Variants in RNF125 observed in about 807,000 individuals in gnomAD.
The protein encoded by RNF125 is E3 ubiquitin-protein ligase RNF125.
Under a neutral mutation model 26.0 loss-of-function variants are expected in RNF125, and 21 were observed. The ratio of observed to expected loss-of-function variants is 0.81; its 90% CI spans 0.57 to 1.16. The LOEUF is 1.16. Ranked by LOEUF, RNF125 falls within the 50% of genes most tolerant of loss-of-function variation. RNF125 has a pLI of 0.00. For synonymous variants in RNF125, 95 were observed against 109.2 expected (o/e 0.87, Z 0.81); for missense variants, 270 against 299.4 (o/e 0.90, Z 0.72).
At chr18:32,042,341 A>C in intron 3 of RNF125, 68 bp downstream of exon 3, 1 of 928,646 alleles carries the variant, frequency 1.1e-6, no homozygotes, top group Non-Finnish European at 1.7e-6. Context: ...AATGGGCTGG[A>C]AACTTTAACA....
chr18:32,030,892 G>A (rs1370424428), intron 1 of RNF125: 1 of 152,020 alleles, frequency 6.6e-6, no homozygotes, highest in Non-Finnish European at 1.5e-5. Flanking sequence ...TTAGAGATGG[G>A]GGTCTCACTA....
chr18:32,090,025 C>T, the RNF125 span, among the ~76,000 whole-genome samples: 5 of 152,138 alleles, frequency 3.3e-5, no homozygotes, highest in African/African-American at 9.7e-5. Context: ...GTGGGCGGAT[C>T]GCTGGAGGCC....
At chr18:32,034,911 A>AAG (rs1241149913) in intron 1 of RNF125, among the ~76,000 whole-genome samples, 1 of 151,784 alleles carries the variant, frequency 6.6e-6, no homozygotes, top group Non-Finnish European at 1.5e-5. Flanking sequence ...AAAAAAAAAA[A>AAG]AAAAAAATTA....
chr18:32,022,685 A>G (rs959619105), intron 1 of RNF125, among the ~76,000 whole-genome samples: 1 of 152,184 alleles, frequency 6.6e-6, no homozygotes, highest in African/African-American at 2.4e-5. Flanking sequence ...TCCTAGAAAG[A>G]ATAGGCATGA....
At chr18:32,077,669 C>G (rs937158278), downstream of RNF125, among the ~76,000 whole-genome samples, 6 of 151,626 alleles carry the variant, frequency 4.0e-5, no homozygotes, top group African/African-American at 1.5e-4. Flanking sequence ...CCGTAAAACC[C>G]CATTTTTGAA....
intron 4 of RNF125, among the ~76,000 whole-genome samples, chr18:32,048,777 T>G (rs1012255198): frequency 6.6e-6 from 1 of 152,190 alleles, no homozygotes; most frequent in Non-Finnish European, 1.5e-5. Flanking sequence ...GAGCCGATGG[T>G]CACGGGCTTT....
the RNF125 span, among the ~76,000 whole-genome samples, chr18:32,084,955 A>G: frequency 6.6e-6 from 1 of 152,216 alleles, no homozygotes; most frequent in Non-Finnish European, 1.5e-5. Context: ...TTCATTTTCT[A>G]TAGTTAATTT....
chr18:32,041,098 A>T (rs1448644831), intron 2 of RNF125, among the ~76,000 whole-genome samples: 1 of 152,186 alleles, frequency 6.6e-6, no homozygotes, highest in Non-Finnish European at 1.5e-5. Context: ...CCACCTTACC[A>T]CAGCTGTACA....
the RNF125 span, among the ~76,000 whole-genome samples, chr18:32,084,736 A>G: frequency 6.6e-6 from 1 of 152,226 alleles, no homozygotes; most frequent in Non-Finnish European, 1.5e-5. Context: ...ATCCTAATCA[A>G]CTGTAACATA....
At chr18:32,032,939 G>T (rs1474676310) in intron 1 of RNF125, among the ~76,000 whole-genome samples, 1 of 152,154 alleles carries the variant, frequency 6.6e-6, no homozygotes, top group African/African-American at 2.4e-5. Context: ...TTAGGGTGAG[G>T]GTTGACATTT....
chr18:32,041,645 T>G (rs868669309), intron 2 of RNF125, among the ~76,000 whole-genome samples: 1,936 of 95,378 alleles, frequency 0.02, 45 homozygotes, highest in African/African-American at 0.085. Context: ...TTTTTTTTTT[T>G]TTTGAGACGG....
intron 1 of RNF125, among the ~76,000 whole-genome samples, chr18:32,026,679 A>G (rs906950150): frequency 3.9e-5 from 6 of 152,106 alleles, no homozygotes; most frequent in Admixed American, 2.6e-4. Flanking sequence ...CTGTAGCAGG[A>G]GGTATGTCTC....
At chr18:32,025,198 CTA>C (rs1473952731) in intron 1 of RNF125, among the ~76,000 whole-genome samples, 2 of 151,862 alleles carry the variant, frequency 1.3e-5, no homozygotes, top group African/African-American at 4.9e-5. Flanking sequence ...GTACTACAGA[CTA>C]TACAAACTCA....
rs2039263141 is a variant in RNF125, at chr18:32,045,696, T to C, written c.468T>C (p.His156=). The C allele has an allele frequency of 6.2e-7, 1 of 1,613,018 alleles. No homozygotes were observed. Residue 156 remains histidine, a synonymous_variant, in exon 4 of 6, where the codon CAT becomes CAC. Transcript: ENST00000217740. ...TGTATGAAGACAGCTTGCTGGATCA[T>C]TGTATTACTCATCACAGATCGGAAC... ...RELYEDSLLD[H]CITHHRSERR...
At chr18:32,074,125 A>G (rs2039553853), downstream of RNF125, among the ~76,000 whole-genome samples, 1 of 152,186 alleles carries the variant, frequency 6.6e-6, no homozygotes. Context: ...CCCAAAGTCT[A>G]CTGTGGTTCC....
chr18:32,088,774 A>G, the RNF125 span, among the ~76,000 whole-genome samples: 1 of 152,230 alleles, frequency 6.6e-6, no homozygotes, highest in African/African-American at 2.4e-5. Context: ...TGCTGGGATT[A>G]GGAGCATGAT....
the RNF125 span, among the ~76,000 whole-genome samples, chr18:32,083,811 G>C: frequency 5.3e-5 from 8 of 152,012 alleles, no homozygotes; most frequent in Admixed American, 2.6e-4. Flanking sequence ...GCAGAGGCAG[G>C]AGGATTGACT....
At chr18:32,057,045 C>T (rs748957786) in intron 4 of RNF125, among the ~76,000 whole-genome samples, 45 of 151,862 alleles carry the variant, frequency 3.0e-4, no homozygotes, top group Admixed American at 1.2e-3. Flanking sequence ...TGTGTGAGTG[C>T]TTGAAGTTTT....
chr18:32,043,993 T>G (rs968775149), intron 3 of RNF125, among the ~76,000 whole-genome samples: 6 of 142,212 alleles, frequency 4.2e-5, no homozygotes, highest in East Asian at 2.0e-4. Flanking sequence ...ATATAATGGG[T>G]TTTTTTTTTT....
Sources: gnomAD v4.1 joint callset for allele counts (sites outside exome capture counted in the v4.1 genomes callset) on GRCh38, gnomAD v4.1.1 for gene constraint, MANE v1.5 for transcripts, NCBI Gene and HGNC (gene_info 2026-07-23, HGNC 2026-07-21) for gene names.